KIF17: variants seen among roughly 807,000 people sequenced by gnomAD.
The protein encoded by KIF17 is kinesin-like protein KIF17.
KIF17 carries 80 observed loss-of-function variants against 96.8 expected under a neutral mutation model. The observed-to-expected ratio is 0.83, with a 90% CI of 0.69 to 1.00. The LOEUF is 1.00. KIF17 is among the 50% of genes least tolerant of loss of function. KIF17 has a pLI of 0.00. For synonymous variants in KIF17, 567 were observed against 587.5 expected, an observed-to-expected ratio of 0.97 and a Z score of 0.51; for missense variants, 1,280 against 1,372.9, an observed-to-expected ratio of 0.93 and a Z score of 1.07.
chr1:20,671,863 A>G, intron 12 of KIF17, 75 bp downstream of exon 12: 2 of 1,553,712 alleles, frequency 1.3e-6, no homozygotes, highest in Non-Finnish European at 1.7e-6. Flanking sequence ...GGAGAGGCCC[A>G]CACTCCCTGC....
At position 20,686,492 on chromosome 1, in the gene KIF17, C is replaced by T. The variant is rs537530617; in HGVS notation, c.1939-366G>A. ...CTAAATACACACACACAGACACACA[C>T]ACACAAAATACACACACACACACAC... is the stretch of plus-strand genomic sequence containing the variant. On this transcript the variant is annotated intron_variant, in intron 8 of 14. Transcript: ENST00000400463. 7 of 279,080 alleles carry T rather than the reference C, an allele frequency of 2.5e-5. No homozygotes were observed. The East Asian group carries it at 4.7e-4, about 19-fold the overall frequency. 17.3% of individuals were successfully genotyped at this position (279,080 alleles called of 1,614,324 possible). A position where few individuals can be genotyped will look rare whatever the true frequency, so the allele number is the denominator to read the frequency against.
chr1:20,706,888 CA>C (rs113547608), intron 4 of KIF17, among the ~76,000 whole-genome samples: 34 of 144,710 alleles, frequency 2.3e-4, no homozygotes, highest in Non-Finnish European at 2.1e-4. Context: ...AATCCTGTCT[CA>C]AAAAAAAAAA....
intron 2 of KIF17, 31 bp from the exon 3 acceptor site, chr1:20,713,586 C>G (rs10799661): frequency 6.5e-7 from 1 of 1,548,370 alleles, no homozygotes. Context: ...GAACCTAGAC[C>G]TCAGAGCTCG....
At chr1:20,712,911 TA>T (rs1557607227) in intron 3 of KIF17, among the ~76,000 whole-genome samples, 1,082 of 51,700 alleles carry the variant, frequency 0.021, 41 homozygotes, top group African/African-American at 0.062. Context: ...CTATATTATA[TA>T]TATAATATAT....
intron 5 of KIF17, among the ~76,000 whole-genome samples, chr1:20,702,893 G>A (rs942686030): frequency 3.9e-5 from 6 of 152,144 alleles, no homozygotes; most frequent in Non-Finnish European, 8.8e-5. Flanking sequence ...AGGAGATTAG[G>A]TACCCCACGA....
chr1:20,717,303 G>A, intron 1 of KIF17, 173 bp downstream of exon 1: 1 of 669,332 alleles, frequency 1.5e-6, no homozygotes, highest in East Asian at 2.8e-5. Flanking sequence ...GACATTAGAG[G>A]CAGGCTCTGG....
Position 20,690,348 on chromosome 1 carries a change from G to GCCCCC in KIF17, c.1234-14_1234-13insGGGGG. ...GCTCTTCATACTCCTGGGGGGGTGG[G>GCCCCC]AGGGACCAGAGGGCAGGCAGCATTT... On this transcript the variant is annotated splice_polypyrimidine_tract_variant and intron_variant, in intron 6 of 14. Transcript: ENST00000400463. 3 of 757,420 alleles carry GCCCCC rather than the reference G, an allele frequency of 4.0e-6. No individual in the cohort carries two copies. Among genetic ancestry groups the GCCCCC allele is most frequent in the Non-Finnish European group, 6.4e-6 (3 of 468,116 alleles). The allele number at this position is 757,420 out of a possible 1,614,324, so 46.9% of individuals were successfully genotyped here.
chr1:20,711,297 G>A (rs2054431533), intron 3 of KIF17, among the ~76,000 whole-genome samples: 1 of 152,126 alleles, frequency 6.6e-6, no homozygotes, highest in Non-Finnish European at 1.5e-5. Flanking sequence ...CTCCCGCCAC[G>A]ATATTTTCCA....
intron 13 of KIF17, among the ~76,000 whole-genome samples, chr1:20,669,445 G>A (rs1453876996): frequency 1.3e-5 from 2 of 151,524 alleles, no homozygotes; most frequent in Non-Finnish European, 2.9e-5. Context: ...GCTGAGGCCG[G>A]AGAATGGCTG....
chr1:20,697,316 G>GGGACT (rs1243265229), intron 6 of KIF17, among the ~76,000 whole-genome samples: 1 of 152,194 alleles, frequency 6.6e-6, no homozygotes, highest in African/African-American at 2.4e-5. Flanking sequence ...GGGTTCTAAA[G>GGGACT]GGACTATCAG....
At chr1:20,716,093 G>A (rs1299672802) in intron 1 of KIF17, among the ~76,000 whole-genome samples, 2 of 151,940 alleles carry the variant, frequency 1.3e-5, no homozygotes, top group Non-Finnish European at 1.5e-5. Flanking sequence ...CTAAAAATAC[G>A]AAAAATTAGC....
Position 20,672,169 on chromosome 1 carries a change from CT to C in KIF17, c.2490del (p.Asp831IlefsTer37). ...TCCAGCTGAAACTCGGACTGCAGAT[CT>C]TTGATCTCCACCTCTGCTGCCCGAA... ...RKLRAAEVEI[K>X]DLQSEFQLEK... On this transcript the variant is annotated frameshift_variant, in exon 12 of 15. Transcript: ENST00000400463. LOFTEE classifies it high-confidence loss of function. This position sits in a 1 kb window ranked among gnomAD's most constrained non-coding sequence, Gnocchi z 4.3. 1 of 1,614,178 alleles carries C rather than the reference CT, an allele frequency of 6.2e-7. No homozygotes were observed. Among genetic ancestry groups the C allele is most frequent in the Non-Finnish European group, 8.5e-7 (1 of 1,180,044 alleles).
At chr1:20,683,027 G>A (rs1202795512) in intron 10 of KIF17, 143 bp from the exon 11 acceptor site, 7 of 682,876 alleles carry the variant, frequency 1.0e-5, no homozygotes, top group South Asian at 1.8e-5. Context: ...GAGGCTCGGC[G>A]ACAGGACGCT....
At chr1:20,693,076 T>TC (rs2054071316) in intron 6 of KIF17, 1 of 152,086 alleles carries the variant, frequency 6.6e-6, no homozygotes, top group African/African-American at 2.4e-5. Flanking sequence ...CTGGCCTGTT[T>TC]GTGGGTCTTT....
intron 3 of KIF17, among the ~76,000 whole-genome samples, chr1:20,712,772 A>T (rs1462188587): frequency 1.1e-5 from 1 of 95,232 alleles, no homozygotes; most frequent in East Asian, 2.8e-4. Context: ...ATCTATATAT[A>T]ATATAGATAA....
chr1:20,689,888 C>T lies in KIF17; in HGVS notation c.1381+300G>A, dbSNP rs2054007976. ...AGCTGGGGCCCAGTCCATGGCTAAG[C>T]CATCCCAGTGCAGTGCTGTGGGTGA... On this transcript the variant is annotated intron_variant, in intron 7 of 14. Coordinates refer to ENST00000400463, the MANE Select transcript of KIF17 (RefSeq NM_001122819.3). 2.0e-5 allele frequency among the ~76,000 whole-genome samples: 3 copies of T among 152,272 alleles called. 1 individual carries two copies. The Middle Eastern group carries it at 0.01, about 518-fold the overall frequency.
At chr1:20,715,868 GC>G (rs1210035796) in intron 1 of KIF17, among the ~76,000 whole-genome samples, 1 of 152,214 alleles carries the variant, frequency 6.6e-6, no homozygotes, top group Non-Finnish European at 1.5e-5. Context: ...TGTGGGCTTG[GC>G]CCCCTGGGCT....
chr1:20,702,076 G>A (rs2054247391), intron 5 of KIF17, among the ~76,000 whole-genome samples: 1 of 152,168 alleles, frequency 6.6e-6, no homozygotes, highest in South Asian at 2.1e-4. Flanking sequence ...AGCCCACCGT[G>A]CCAGGCCTCG....
intron 5 of KIF17, among the ~76,000 whole-genome samples, chr1:20,703,486 A>AGATG (rs1491257356): frequency 0.031 from 3,169 of 103,106 alleles, 98 homozygotes; most frequent in African/African-American, 0.11. Flanking sequence ...ATAGATGGAT[A>AGATG]GATGGATGGA....
Sources: allele counts gnomAD v4.1 joint callset (sites outside exome capture counted in the v4.1 genomes callset), GRCh38; gene constraint gnomAD v4.1.1; non-coding constraint Gnocchi (gnomAD v3.1); transcripts MANE v1.5; gene names NCBI Gene and HGNC (gene_info 2026-07-23, HGNC 2026-07-21).